GLRA3: variants seen among roughly 807,000 people sequenced by gnomAD.
The protein encoded by GLRA3 is glycine receptor subunit alpha-3.
Under a neutral mutation model 60.4 loss-of-function variants are expected in GLRA3, and 44 were observed. The ratio of observed to expected loss-of-function variants is 0.73; its 90% CI spans 0.57 to 0.94. The LOEUF (loss-of-function observed/expected upper bound fraction) is 0.94, where lower values mean the gene tolerates loss of function less well. GLRA3 is among the 40% of genes least tolerant of loss of function. The probability of loss-of-function intolerance (pLI) is 0.00; values close to 1 mark genes in which losing one functional copy is unlikely to be tolerated. For synonymous variants in GLRA3, 223 were observed against 192.9 expected (o/e 1.16, Z -1.29); for missense variants, 508 against 564.6 (o/e 0.90, Z 1.02).
At chr4:174,721,329 A>T (rs1027895911) in intron 4 of GLRA3, among the ~76,000 whole-genome samples, 1 of 152,110 alleles carries the variant, frequency 6.6e-6, no homozygotes, top group Non-Finnish European at 1.5e-5. Context: ...TTCATGAATT[A>T]TATAAAGATT....
At chr4:174,676,639 T>C (rs1033523837) in intron 7 of GLRA3, among the ~76,000 whole-genome samples, 5 of 152,080 alleles carry the variant, frequency 3.3e-5, no homozygotes, top group Non-Finnish European at 1.5e-5. Flanking sequence ...CACACACATA[T>C]ACATATATAT....
intron 9 of GLRA3, among the ~76,000 whole-genome samples, chr4:174,655,208 A>G (rs1391373992): frequency 2.6e-5 from 4 of 152,166 alleles, no homozygotes; most frequent in Non-Finnish European, 5.9e-5. Flanking sequence ...TATTTATTTC[A>G]AAATTTAGAT....
intron 7 of GLRA3, among the ~76,000 whole-genome samples, chr4:174,666,059 A>G (rs1287027529): frequency 2.0e-5 from 3 of 152,110 alleles, no homozygotes; most frequent in Non-Finnish European, 4.4e-5. Flanking sequence ...TATAACTCAT[A>G]TGGTTCCAGA....
chr4:174,757,061 G>C (rs1050883053), intron 3 of GLRA3, among the ~76,000 whole-genome samples: 11 of 152,198 alleles, frequency 7.2e-5, no homozygotes, highest in Non-Finnish European at 1.6e-4. Flanking sequence ...TTCTGAACCA[G>C]TGCAATAAGG....
intron 5 of GLRA3, among the ~76,000 whole-genome samples, chr4:174,706,081 T>C (rs1017380089): frequency 6.6e-6 from 1 of 151,788 alleles, no homozygotes. Context: ...ATACAAAAAA[T>C]TAGCCGGGCG....
At chr4:174,741,759 T>C (rs1737035778) in intron 3 of GLRA3, among the ~76,000 whole-genome samples, 1 of 152,168 alleles carries the variant, frequency 6.6e-6, no homozygotes, top group Admixed American at 6.5e-5. Context: ...ACGAGTTAAT[T>C]TTTGTATGAG....
At chr4:174,679,221 C>T (rs575744729) in intron 6 of GLRA3, among the ~76,000 whole-genome samples, 2 of 152,206 alleles carry the variant, frequency 1.3e-5, no homozygotes, top group South Asian at 2.1e-4. Flanking sequence ...GTCCCAGCTA[C>T]TCAGGGGGCT....
At chr4:174,672,880 C>T (rs1733963980) in intron 7 of GLRA3, among the ~76,000 whole-genome samples, 1 of 151,956 alleles carries the variant, frequency 6.6e-6, no homozygotes, top group South Asian at 2.1e-4. Context: ...CCCCACCCTG[C>T]CAAGTTTCTA....
At chr4:174,790,749 A>G (rs10033159) in intron 1 of GLRA3, among the ~76,000 whole-genome samples, 35,094 of 147,974 alleles carry the variant, frequency 0.24, 4,511 homozygotes, top group East Asian at 0.43. Flanking sequence ...GGGAGGCCGA[A>G]GCGGGTGGAT....
chr4:174,732,685 A>C (rs899956500), intron 3 of GLRA3, among the ~76,000 whole-genome samples: 1 of 152,134 alleles, frequency 6.6e-6, no homozygotes, highest in Non-Finnish European at 1.5e-5. Context: ...AATGTAAAAC[A>C]GTAAAAACAA....
In GLRA3 at chr4:174,637,455, A is replaced by G. The variant is rs878920634; in HGVS notation, c.*6331T>C. 6.6e-6 allele frequency: 1 copy of G among 152,198 alleles called. No individual in the cohort carries two copies. The highest frequency in any genetic ancestry group is 1.5e-5 in the Non-Finnish European group (1 of 68,034). 9.4% of individuals were successfully genotyped at this position (152,198 alleles called of 1,614,324 possible). A position where few individuals can be genotyped will look rare whatever the true frequency, so the allele number is the denominator to read the frequency against. On this transcript the variant is annotated 3_prime_UTR_variant, in exon 10 of 10. Transcript: ENST00000274093. ...ATGACCATTGAATAATTCATAGAGA[A>G]AAAAGTGAAGAAGTGCAAAATTATT...
At chr4:174,676,837 T>C (rs757678688) in intron 7 of GLRA3, among the ~76,000 whole-genome samples, 2 of 152,208 alleles carry the variant, frequency 1.3e-5, no homozygotes, top group Non-Finnish European at 2.9e-5. Context: ...AAGAGTATTA[T>C]TGATATTTAA....
In GLRA3 at chr4:174,767,041, G is replaced by C; in HGVS notation, c.200-11C>G. The C allele has an allele frequency of 6.5e-7, 1 of 1,531,922 alleles. No homozygotes were observed. Among genetic ancestry groups the C allele is most frequent in the Non-Finnish European group, 9.0e-7 (1 of 1,106,936 alleles). 94.9% of individuals were successfully genotyped at this position (1,531,922 alleles called of 1,614,324 possible). On this transcript the variant is annotated splice_polypyrimidine_tract_variant and intron_variant, in intron 2 of 9. Transcript: ENST00000274093. ...CATTAACTGGAGGGCCTGAAAAAGA[G>C]ATGAAAACATAAGGGCTGTTTAGAG...
At chr4:174,676,527 G>A (rs755129249) in intron 7 of GLRA3, among the ~76,000 whole-genome samples, 3 of 152,084 alleles carry the variant, frequency 2.0e-5, no homozygotes, top group African/African-American at 7.2e-5. Context: ...AGCTATGTGT[G>A]TGTATGTGTT....
chr4:174,688,306 C>T (rs1412337430), intron 5 of GLRA3, among the ~76,000 whole-genome samples: 2 of 106,466 alleles, frequency 1.9e-5, no homozygotes, highest in African/African-American at 7.3e-5. Context: ...AGTACTTATC[C>T]TTACCTGACA....
At chr4:174,741,222 C>T (rs1262470069) in intron 3 of GLRA3, among the ~76,000 whole-genome samples, 1 of 152,172 alleles carries the variant, frequency 6.6e-6, no homozygotes, top group African/African-American at 2.4e-5. Flanking sequence ...AGTTTCTTTG[C>T]ACTCTTATCA....
chr4:174,696,080 TA>T (rs1204592738), intron 5 of GLRA3, among the ~76,000 whole-genome samples: 2 of 151,724 alleles, frequency 1.3e-5, no homozygotes, highest in African/African-American at 2.4e-5. Flanking sequence ...AAACACTCCT[TA>T]AAAAAATTAG....
At chr4:174,752,252 A>G (rs138384805) in intron 3 of GLRA3, among the ~76,000 whole-genome samples, 1 of 152,262 alleles carries the variant, frequency 6.6e-6, no homozygotes, top group African/African-American at 2.4e-5. Context: ...GAGTGAGCAG[A>G]AAAACACAAG....
chr4:174,757,909 G>T (rs28869567), intron 3 of GLRA3, among the ~76,000 whole-genome samples: 41,574 of 151,998 alleles, frequency 0.27, 6,136 homozygotes, highest in Non-Finnish European at 0.34. Flanking sequence ...GGTCACGGGG[G>T]TGGATCCCTC....
Sources: allele counts gnomAD v4.1 joint callset (sites outside exome capture counted in the v4.1 genomes callset), GRCh38; gene constraint gnomAD v4.1.1; transcripts MANE v1.5; gene names NCBI Gene and HGNC (gene_info 2026-07-23, HGNC 2026-07-21).